The following USP8 variants were observed in gnomAD, a reference collection of about 807,000 sequenced individuals.
The protein encoded by USP8 is ubiquitin carboxyl-terminal hydrolase 8.
Under a neutral mutation model 130.0 loss-of-function variants are expected in USP8, and 27 were observed. The observed-to-expected ratio is 0.21, with a 90% CI of 0.15 to 0.29. The LOEUF (loss-of-function observed/expected upper bound fraction) is 0.29, where lower values mean the gene tolerates loss of function less well. Ranked by LOEUF, USP8 falls within the 10% of genes least tolerant of loss-of-function variation. The probability of loss-of-function intolerance (pLI) is 1.00; values close to 1 mark genes in which losing one functional copy is unlikely to be tolerated. For synonymous variants in USP8, 392 were observed against 444.1 expected (o/e 0.88, Z 1.48); for missense variants, 1,029 against 1,312.2 (o/e 0.78, Z 3.33).
intron 11 of USP8, among the ~76,000 whole-genome samples, chr15:50,482,740 T>C (rs1053839525): frequency 1.3e-5 from 2 of 152,204 alleles, no homozygotes; most frequent in African/African-American, 4.8e-5. Context: ...AAGTATATGT[T>C]TATAATACCA....
At chr15:50,427,719 C>T (rs2049789581) in intron 1 of USP8, among the ~76,000 whole-genome samples, 1 of 151,688 alleles carries the variant, frequency 6.6e-6, no homozygotes, top group Non-Finnish European at 1.5e-5. Context: ...GCCACCATGC[C>T]CGGCTAATTT....
chr15:50,448,716 C>G (rs1210358099), intron 3 of USP8, among the ~76,000 whole-genome samples: 1 of 151,984 alleles, frequency 6.6e-6, no homozygotes, highest in East Asian at 1.9e-4. Flanking sequence ...CATGGGGTTT[C>G]ACCATGTTGG....
intron 1 of USP8, among the ~76,000 whole-genome samples, chr15:50,438,006 A>G (rs1051812734): frequency 2.6e-5 from 4 of 152,264 alleles, no homozygotes; most frequent in African/African-American, 9.6e-5. Context: ...AAAATGATAA[A>G]AATGAAATAC....
intron 3 of USP8, among the ~76,000 whole-genome samples, chr15:50,442,511 A>C (rs1248010798): frequency 6.6e-6 from 1 of 152,132 alleles, no homozygotes; most frequent in Non-Finnish European, 1.5e-5. Context: ...TAGGAGGCCA[A>C]GGTGGGTGGA....
At position 50,500,997 on chromosome 15, in the gene USP8, A is replaced by G. The variant is rs1334871551; in HGVS notation, c.*1909A>G. 5.0e-6 allele frequency: 3 copies of G among 598,822 alleles called. No individual in the cohort carries two copies. The highest frequency in any genetic ancestry group is 8.9e-6 in the Non-Finnish European group (3 of 336,042). 37.1% of individuals were successfully genotyped at this position (598,822 alleles called of 1,614,324 possible). A position where few individuals can be genotyped will look rare whatever the true frequency, so the allele number is the denominator to read the frequency against. ...AAATCATGCATATAGCCTGACTGCT[A>G]TATTGCTTCTCATTTCATTGTAACT... is the stretch of plus-strand genomic sequence containing the variant. On this transcript the variant is annotated 3_prime_UTR_variant, in exon 20 of 20. Transcript: ENST00000307179.
chr15:50,458,773 A>G (rs2050877839), intron 4 of USP8, among the ~76,000 whole-genome samples: 1 of 152,232 alleles, frequency 6.6e-6, no homozygotes, highest in African/African-American at 2.4e-5. Flanking sequence ...AAAAAGCACT[A>G]AATAATTTCA....
intron 2 of USP8, among the ~76,000 whole-genome samples, chr15:50,439,917 G>A (rs956168532): frequency 4.6e-5 from 7 of 151,716 alleles, no homozygotes; most frequent in Non-Finnish European, 7.4e-5. Context: ...GTGAAACCCC[G>A]TCTCTACTAA....
At chr15:50,448,870 T>C (rs1361561800) in intron 3 of USP8, among the ~76,000 whole-genome samples, 1 of 152,180 alleles carries the variant, frequency 6.6e-6, no homozygotes, top group African/African-American at 2.4e-5. Flanking sequence ...TTTAGTTGCT[T>C]AGAGTTTCCT....
rs934691525 is a variant in USP8, at chr15:50,513,628, C to A, written c.*14540C>A. On this transcript the variant is annotated 3_prime_UTR_variant, in exon 20 of 20. Coordinates refer to ENST00000307179, the MANE Select transcript of USP8 (RefSeq NM_005154.5). ...AATTCCATAAGAAAAAGGCAGGCCACAGAATAGGAAAAAGAATAAAAGACT... is the reference window on the plus strand; with the variant it reads ...AATTCCATAAGAAAAAGGCAGGCCAAAGAATAGGAAAAAGAATAAAAGACT... 2.0e-5 allele frequency: 3 copies of A among 150,922 alleles called. No homozygotes were observed. Among genetic ancestry groups the A allele is most frequent in the East Asian group, 1.9e-4 (1 of 5,156 alleles). The allele number at this position is 150,922 out of a possible 1,614,324, so 9.3% of individuals were successfully genotyped here. A position where few individuals can be genotyped will look rare whatever the true frequency, so the allele number is the denominator to read the frequency against.
At chr15:50,463,642 T>C (rs914274758) in intron 6 of USP8, 7 of 152,232 alleles carry the variant, frequency 4.6e-5, no homozygotes, top group African/African-American at 1.7e-4. Context: ...CCTGCTTAAA[T>C]GTTGTCCTTC....
In USP8 at chr15:50,501,041, T is replaced by C; in HGVS notation, c.*1953T>C. 1.9e-6 allele frequency: 1 copy of C among 516,484 alleles called. No homozygotes were observed. Among genetic ancestry groups the C allele is most frequent in the Non-Finnish European group, 3.5e-6 (1 of 284,754 alleles). The allele number at this position is 516,484 out of a possible 1,614,324, so 32.0% of individuals were successfully genotyped here. On this transcript the variant is annotated 3_prime_UTR_variant, in exon 20 of 20. Transcript: ENST00000307179. The stretch of plus-strand genomic sequence containing the variant: ...TGTAACTACTTATATGTTGTGCCCA[T>C]TGACTATCATCTGTGAATAAAGAAA...
At chr15:50,437,198 A>G (rs1455033330) in intron 1 of USP8, among the ~76,000 whole-genome samples, 1 of 152,184 alleles carries the variant, frequency 6.6e-6, no homozygotes, top group African/African-American at 2.4e-5. Context: ...TATATGTTAT[A>G]AAGCATGATA....
intron 6 of USP8, chr15:50,463,339 A>G (rs1350156237): frequency 6.6e-6 from 1 of 152,200 alleles, no homozygotes; most frequent in East Asian, 1.9e-4. Context: ...ATTCCTCTTC[A>G]TCTGCTAGAG....
At chr15:50,462,903 A>G (rs542599258) in intron 6 of USP8, among the ~76,000 whole-genome samples, 22 of 152,038 alleles carry the variant, frequency 1.4e-4, no homozygotes, top group African/African-American at 5.1e-4. Context: ...CCCCCCATCC[A>G]TCCTGTGGTC....
intron 17 of USP8, 37 bp downstream of exon 17, chr15:50,496,121 A>G (rs922385143): frequency 2.0e-6 from 3 of 1,493,042 alleles, no homozygotes; most frequent in Non-Finnish European, 2.8e-6. Flanking sequence ...GATTTATTGG[A>G]TAAAAATGCT....
intron 17 of USP8, 84 bp from the exon 18 acceptor site, chr15:50,497,005 C>A: frequency 1.3e-6 from 2 of 1,490,356 alleles, no homozygotes; most frequent in Non-Finnish European, 1.8e-6. Flanking sequence ...CTGGTGCCTG[C>A]AGAGTGACTA....
rs1433881916 is a variant in USP8 at position 50,505,527 on chromosome 15, T to C, written c.*6439T>C. The stretch of plus-strand genomic sequence containing the variant: ...CCTACTGAAATATATGCCACATGAA[T>C]TTTAAAAACTCAATGAAGGAAGAAG... On this transcript the variant is annotated 3_prime_UTR_variant, in exon 20 of 20. Transcript: ENST00000307179. 2.6e-5 allele frequency: 4 copies of C among 152,192 alleles called. No individual in the cohort carries two copies. The highest frequency in any genetic ancestry group is 9.7e-5 in the African/African-American group (4 of 41,444). The allele number at this position is 152,192 out of a possible 1,614,324, so 9.4% of individuals were successfully genotyped here.
At chr15:50,492,570 T>G in intron 14 of USP8, 131 bp from the exon 15 acceptor site, 1 of 841,666 alleles carries the variant, frequency 1.2e-6, no homozygotes. Flanking sequence ...CAGCATCTTA[T>G]GAGTTAACAT....
At chr15:50,482,826 G>A (rs1183255486) in intron 11 of USP8, among the ~76,000 whole-genome samples, 1 of 152,112 alleles carries the variant, frequency 6.6e-6, no homozygotes, top group Non-Finnish European at 1.5e-5. Context: ...ACTTCTAATG[G>A]AAGGCGGGAT....
Sources: allele counts gnomAD v4.1 joint callset (sites outside exome capture counted in the v4.1 genomes callset), GRCh38; gene constraint gnomAD v4.1.1; transcripts MANE v1.5; gene names NCBI Gene and HGNC (gene_info 2026-07-23, HGNC 2026-07-21).